FAT3: variants seen among roughly 807,000 people sequenced by gnomAD.
FAT3 encodes the protein protocadherin Fat 3.
A neutral mutation model predicts 310.2 loss-of-function variants in FAT3; 95 were observed. That is an observed-to-expected ratio of 0.31 (90% CI 0.26 to 0.36). The LOEUF (loss-of-function observed/expected upper bound fraction) is 0.36. Among genes scored for constraint, FAT3 ranks in the 10% least tolerant of loss-of-function variants. The probability of loss-of-function intolerance (pLI) is 1.00; values close to 1 mark genes in which losing one functional copy is unlikely to be tolerated. For synonymous variants in FAT3, 2,314 were observed against 2,192.9 expected (o/e 1.06, Z -1.54); for missense variants, 5,408 against 5,715.6 (o/e 0.95, Z 1.74).
intron 3 of FAT3, among the ~76,000 whole-genome samples, chr11:92,549,057 A>G (rs1565402425): frequency 1.3e-5 from 2 of 152,206 alleles, no homozygotes; most frequent in Non-Finnish European, 2.9e-5. Context: ...GTCAGATTCT[A>G]AAGCTATATA....
At chr11:92,359,535 T>G (rs2134666165) in intron 2 of FAT3, among the ~76,000 whole-genome samples, 1 of 151,718 alleles carries the variant, frequency 6.6e-6, no homozygotes, top group Non-Finnish European at 1.5e-5. Flanking sequence ...TTGTGCAGGT[T>G]AGTTACATAT....
At chr11:92,306,582 A>G (rs1302512676) in intron 1 of FAT3, among the ~76,000 whole-genome samples, 1 of 126,976 alleles carries the variant, frequency 7.9e-6, no homozygotes, top group African/African-American at 3.0e-5. Context: ...TATTATATAT[A>G]TTTATATTAT....
At chr11:92,301,825 T>C (rs938558367) in intron 1 of FAT3, among the ~76,000 whole-genome samples, 3 of 152,116 alleles carry the variant, frequency 2.0e-5, no homozygotes, top group African/African-American at 7.2e-5. Flanking sequence ...CTGTTGTTTG[T>C]TGTTTGTTTA....
intron 7 of FAT3, among the ~76,000 whole-genome samples, chr11:92,785,930 A>G (rs960044773): frequency 4.2e-4 from 64 of 152,202 alleles, no homozygotes; most frequent in African/African-American, 1.5e-3. Context: ...AAAATGTACT[A>G]TAAAGCCTCT....
At chr11:92,529,363 A>G (rs1237894623) in intron 3 of FAT3, among the ~76,000 whole-genome samples, 1 of 152,184 alleles carries the variant, frequency 6.6e-6, no homozygotes, top group East Asian at 1.9e-4. Flanking sequence ...CAGGGAATAT[A>G]AACAAGTGAA....
intron 3 of FAT3, among the ~76,000 whole-genome samples, chr11:92,626,800 G>T (rs140263393): frequency 6.6e-6 from 1 of 152,140 alleles, no homozygotes; most frequent in African/African-American, 2.4e-5. Context: ...GATATCCTCC[G>T]CTCCATTGGA....
At chr11:92,503,362 G>T (rs1485820977) in intron 2 of FAT3, among the ~76,000 whole-genome samples, 2 of 152,032 alleles carry the variant, frequency 1.3e-5, no homozygotes, top group Admixed American at 1.3e-4. Context: ...CTTATTATGT[G>T]CCAGGCACTG....
At chr11:92,432,810 T>C (rs1464282573) in intron 2 of FAT3, among the ~76,000 whole-genome samples, 2 of 152,164 alleles carry the variant, frequency 1.3e-5, no homozygotes, top group East Asian at 3.9e-4. Context: ...GAGGAACGTT[T>C]AAGTCTGCTG....
intron 3 of FAT3, among the ~76,000 whole-genome samples, chr11:92,553,579 A>G (rs1196894190): frequency 6.6e-6 from 1 of 152,226 alleles, no homozygotes; most frequent in Non-Finnish European, 1.5e-5. Flanking sequence ...ACAATGAAGG[A>G]ACCTGGGCCT....
chr11:92,858,787 C>T (rs1949047444), intron 20 of FAT3, among the ~76,000 whole-genome samples: 1 of 151,982 alleles, frequency 6.6e-6, no homozygotes, highest in South Asian at 2.1e-4. Context: ...TGAAAGTTCT[C>T]GAATGCCTAA....
chr11:92,548,301 C>CT (rs1954684703), intron 3 of FAT3, among the ~76,000 whole-genome samples: 2 of 152,278 alleles, frequency 1.3e-5, no homozygotes, highest in African/African-American at 4.8e-5. Flanking sequence ...CCGTTATGCT[C>CT]TTGAGACCTT....
intron 3 of FAT3, among the ~76,000 whole-genome samples, chr11:92,630,854 A>G (rs1359413250): frequency 1.3e-5 from 2 of 152,310 alleles, no homozygotes; most frequent in East Asian, 1.9e-4. Flanking sequence ...TGGCTTCTTC[A>G]TGCCATATTC....
chr11:92,782,867 T>C (rs1458778960), intron 7 of FAT3, among the ~76,000 whole-genome samples: 8 of 152,218 alleles, frequency 5.3e-5, no homozygotes, highest in Non-Finnish European at 1.0e-4. Flanking sequence ...CCTTTAAAAG[T>C]AGGTTTTTAC....
chr11:92,354,459 C>T lies in FAT3; in HGVS notation c.2347C>T (p.Leu783Phe). 6.2e-7 allele frequency: 1 copy of T among 1,613,824 alleles called. No individual in the cohort carries two copies. The highest frequency in any genetic ancestry group is 8.5e-7 in the Non-Finnish European group (1 of 1,179,858). The change falls in exon 2 of 28, where the codon CTT (leucine) becomes TTT (phenylalanine). Residue 783 changes from leucine (L) to phenylalanine (F), a missense_variant. By Grantham distance (22) the Leu-to-Phe change is conservative (BLOSUM62 0). Transcript: ENST00000525166. The stretch of plus-strand genomic sequence containing the variant: ...TAATATTGATATGGAGACTGGGCAG[C>T]TTAAAGTCCTTATGCCCATGGATCG... ...CFNIDMETGQ[L>F]KVLMPMDREH...
At chr11:92,765,537 T>G (rs1946283675) in intron 6 of FAT3, among the ~76,000 whole-genome samples, 1 of 152,160 alleles carries the variant, frequency 6.6e-6, no homozygotes, top group African/African-American at 2.4e-5. Context: ...ATGTTCTATA[T>G]TCTACAGACA....
intron 3 of FAT3, among the ~76,000 whole-genome samples, chr11:92,664,921 C>T (rs1018724716): frequency 1.1e-4 from 16 of 152,064 alleles, no homozygotes; most frequent in African/African-American, 3.1e-4. Context: ...ATTTTGTTTG[C>T]GGATTACATT....
intron 2 of FAT3, among the ~76,000 whole-genome samples, chr11:92,442,268 C>T (rs2135081772): frequency 6.7e-6 from 1 of 148,928 alleles, no homozygotes. Context: ...CACCCGCCAC[C>T]ACGCCCGGCT....
intron 3 of FAT3, among the ~76,000 whole-genome samples, chr11:92,666,353 AT>A (rs35495410): frequency 4.0e-3 from 556 of 140,150 alleles, no homozygotes; most frequent in African/African-American, 6.4e-3. Flanking sequence ...AATTTGAAGG[AT>A]TTTTTTTTTT....
rs58700653 is a variant in FAT3 at position 92,394,278 on chromosome 11, G to A, written c.3292+38874G>A. On this transcript the variant is annotated intron_variant, in intron 2 of 27. Coordinates refer to ENST00000525166, the MANE Select transcript of FAT3 (RefSeq NM_001367949.2). The stretch of plus-strand genomic sequence containing the variant: ...GAGCCCAGCAGTTAGAGACCAGCCT[G>A]GGCAACATGGCAAAACCCTGTCTCT... 8.7e-3 allele frequency among the ~76,000 whole-genome samples: 1,325 copies of A among 152,220 alleles called. 14 individuals are homozygous for A. The highest frequency in any genetic ancestry group is 0.031 in the African/African-American group (1,284 of 41,524).
Sources: allele counts gnomAD v4.1 joint callset (sites outside exome capture counted in the v4.1 genomes callset), GRCh38; gene constraint gnomAD v4.1.1; transcripts MANE v1.5; gene names NCBI Gene and HGNC (gene_info 2026-07-23, HGNC 2026-07-21).